KIAA2012: variants seen among roughly 807,000 people sequenced by gnomAD.
KIAA2012 encodes the protein KIAA2012.
Under a neutral mutation model 150.6 loss-of-function variants are expected in KIAA2012, and 125 were observed. The observed-to-expected ratio is 0.83, with a 90% CI of 0.72 to 0.96. KIAA2012 has a LOEUF of 0.96. KIAA2012 is among the 40% of genes least tolerant of loss of function. KIAA2012 has a pLI of 0.00. For missense variants in KIAA2012, 1,219 were observed against 1,354.9 expected (o/e 0.90, Z 1.57); for synonymous variants, 462 against 504.7 (o/e 0.92, Z 1.13).
chr2:202,139,710 A>G (rs1691159863), intron 13 of KIAA2012, among the ~76,000 whole-genome samples: 1 of 152,236 alleles, frequency 6.6e-6, no homozygotes, highest in African/African-American at 2.4e-5. Context: ...AAGGAGCTGC[A>G]GAACCAACAT....
intron 15 of KIAA2012, among the ~76,000 whole-genome samples, chr2:202,171,076 A>T (rs557310335): frequency 8.1e-4 from 123 of 152,092 alleles, no homozygotes; most frequent in African/African-American, 2.5e-3. Flanking sequence ...GGGAGAAAAC[A>T]GCAAGGTCCG....
chr2:202,088,190 A>G (rs1689623720), intron 2 of KIAA2012, among the ~76,000 whole-genome samples: 1 of 152,158 alleles, frequency 6.6e-6, no homozygotes, highest in African/African-American at 2.4e-5. Flanking sequence ...AGGTCCTGGA[A>G]CCAATTCCCC....
rs1240469915 is a variant in KIAA2012 at position 202,132,707 on chromosome 2, T to TGTATATATGTATATATATATA, written c.1832-5705_1832-5685dup. 1.4e-4 allele frequency among the ~76,000 whole-genome samples: 17 copies of TGTATATATGTATATATATATA among 119,954 alleles called. 1 individual carries two copies. The highest frequency in any genetic ancestry group is 4.1e-4 in the African/African-American group (13 of 31,774). 78.7% of individuals were successfully genotyped at this position (119,954 alleles called of 152,430 possible). A position where few individuals can be genotyped will look rare whatever the true frequency, so the allele number is the denominator to read the frequency against. ...ATATATATATGTATGTATATATATATGTATATATGTATATATATATAGTAT... is the reference window on the plus strand; with the variant it reads ...ATATATATATGTATGTATATATATATGTATATATGTATATATATATAGTATATATGTATATATATATAGTAT... On this transcript the variant is annotated intron_variant, in intron 12 of 23. Transcript: ENST00000498697.
intron 12 of KIAA2012, chr2:202,125,809 G>C: frequency 2.3e-6 from 1 of 444,310 alleles, no homozygotes; most frequent in South Asian, 1.6e-5. Context: ...TGACTTTGTA[G>C]CTCATCCTCC....
At chr2:202,087,990 A>G (rs1312424132) in intron 2 of KIAA2012, among the ~76,000 whole-genome samples, 1 of 148,674 alleles carries the variant, frequency 6.7e-6, no homozygotes, top group African/African-American at 2.5e-5. Context: ...AAAAATAACA[A>G]TCCAAACCAA....
chr2:202,201,824 T>G, intron 22 of KIAA2012: 1 of 1,294,894 alleles, frequency 7.7e-7, no homozygotes, highest in Non-Finnish European at 1.1e-6. Context: ...GAGGGTAGAC[T>G]GGATTCCCAG....
At chr2:202,130,537 T>TA (rs1690907731) in intron 12 of KIAA2012, among the ~76,000 whole-genome samples, 1 of 152,220 alleles carries the variant, frequency 6.6e-6, no homozygotes, top group South Asian at 2.1e-4. Context: ...TCAAAAATTA[T>TA]AACTTTCATT....
chr2:202,098,800 G>A (rs1326601081), intron 5 of KIAA2012, among the ~76,000 whole-genome samples: 1 of 132,052 alleles, frequency 7.6e-6, no homozygotes, highest in Admixed American at 9.3e-5. Flanking sequence ...GTGTGTGTGT[G>A]TGTGTGTGTG....
chr2:202,182,503 C>G (rs1440127034), intron 15 of KIAA2012, among the ~76,000 whole-genome samples: 1 of 152,094 alleles, frequency 6.6e-6, no homozygotes, highest in Non-Finnish European at 1.5e-5. Flanking sequence ...AGTTCATTCC[C>G]TTTTACTGCT....
intron 14 of KIAA2012, among the ~76,000 whole-genome samples, chr2:202,162,626 G>A (rs1008313915): frequency 2.9e-5 from 4 of 138,096 alleles, no homozygotes; most frequent in Admixed American, 7.7e-5. Context: ...GCAGTTCTAC[G>A]TTAATTCATA....
chr2:202,163,276 G>C (rs1347468286), intron 14 of KIAA2012, among the ~76,000 whole-genome samples: 1 of 151,392 alleles, frequency 6.6e-6, no homozygotes. Context: ...GCTAATTTTT[G>C]TATTTTTAGT....
Position 202,131,790 on chromosome 2 carries a change from A to G in KIAA2012, c.1831+6508A>G, listed in dbSNP as rs190466014. Reference sequence around the variant, plus strand: ...GCATGGAGAAACTGAAGCAACTTGTAATGACTGCACCCCAGGGTACATGCA... The same window carrying G: ...GCATGGAGAAACTGAAGCAACTTGTGATGACTGCACCCCAGGGTACATGCA... On this transcript the variant is annotated intron_variant, in intron 12 of 23. Coordinates refer to ENST00000498697, the MANE Select transcript of KIAA2012 (RefSeq NM_001277372.4). Among the ~76,000 whole-genome samples the G allele has an allele frequency of 2.0e-3, 305 of 152,334 alleles. 4 individuals are homozygous for G. Among genetic ancestry groups the G allele is most frequent in the Admixed American group, 0.018 (273 of 15,292 alleles).
At chr2:202,097,312 G>A (rs1268705548) in intron 4 of KIAA2012, 123 bp from the exon 5 acceptor site, 8 of 1,428,556 alleles carry the variant, frequency 5.6e-6, no homozygotes, top group African/African-American at 1.4e-5. Flanking sequence ...AGGGAGGAGG[G>A]GGAGCAAGGG....
intron 13 of KIAA2012, among the ~76,000 whole-genome samples, chr2:202,151,162 C>A (rs537451890): frequency 2.6e-4 from 39 of 152,120 alleles, no homozygotes; most frequent in Non-Finnish European, 5.0e-4. Context: ...TTTGAGAGGC[C>A]AAGGCGGGTG....
chr2:202,090,356 G>T (rs965768759), intron 2 of KIAA2012, among the ~76,000 whole-genome samples: 1 of 152,236 alleles, frequency 6.6e-6, no homozygotes, highest in Non-Finnish European at 1.5e-5. Context: ...GACATGATTT[G>T]TCTGTCCCAT....
At chr2:202,146,806 A>C (rs1410454750) in intron 13 of KIAA2012, among the ~76,000 whole-genome samples, 1 of 152,098 alleles carries the variant, frequency 6.6e-6, no homozygotes, top group African/African-American at 2.4e-5. Context: ...CTCAAAAATG[A>C]ATAAAATAAA....
At chr2:202,096,118 A>G (rs978396713) in intron 4 of KIAA2012, among the ~76,000 whole-genome samples, 2 of 152,098 alleles carry the variant, frequency 1.3e-5, no homozygotes, top group Non-Finnish European at 2.9e-5. Flanking sequence ...GAGACTATTT[A>G]GTAAGTTTCA....
At chr2:202,147,747 C>A (rs1691331076) in intron 13 of KIAA2012, among the ~76,000 whole-genome samples, 1 of 152,102 alleles carries the variant, frequency 6.6e-6, no homozygotes, top group Non-Finnish European at 1.5e-5. Flanking sequence ...TGTCAGATTG[C>A]AAAAGTCCCA....
At chr2:202,099,362 ATTTT>A (rs957651215) in intron 5 of KIAA2012, among the ~76,000 whole-genome samples, 3 of 151,918 alleles carry the variant, frequency 2.0e-5, no homozygotes, top group African/African-American at 7.3e-5. Flanking sequence ...AAATCTTGTG[ATTTT>A]TTTTCACAAG....
Sources: allele counts gnomAD v4.1 joint callset (sites outside exome capture counted in the v4.1 genomes callset), GRCh38; gene constraint gnomAD v4.1.1; transcripts MANE v1.5; gene names NCBI Gene and HGNC (gene_info 2026-07-23, HGNC 2026-07-21).